Variants in ZBTB20 observed in about 807,000 individuals in gnomAD.
The protein encoded by ZBTB20 is zinc finger and BTB domain containing 20.
A neutral mutation model predicts 56.9 loss-of-function variants in ZBTB20; 9 were observed. That is an observed-to-expected ratio of 0.16 (90% confidence interval 0.10 to 0.28). The LOEUF (loss-of-function observed/expected upper bound fraction) is 0.28. ZBTB20 is among the 10% of genes least tolerant of loss of function. The pLI is 1.00. For synonymous variants in ZBTB20, 417 were observed against 420.7 expected (o/e 0.99, Z 0.11); for missense variants, 655 against 1,003.0 (o/e 0.65, Z 4.69).
intron 7 of ZBTB20, among the ~76,000 whole-genome samples, chr3:114,490,233 A>AT (rs1559862688): frequency 6.6e-6 from 1 of 151,692 alleles, no homozygotes; most frequent in African/African-American, 2.4e-5. Context: ...TGATTGATTG[A>AT]TTTTTTGAGA....
chr3:115,081,092 T>C (rs1372851939), intron 1 of ZBTB20, among the ~76,000 whole-genome samples: 9 of 152,154 alleles, frequency 5.9e-5, no homozygotes, highest in Admixed American at 3.3e-4. Flanking sequence ...GAAAACTGTT[T>C]CTAATTATGC....
In ZBTB20 at chr3:114,538,141, A is replaced by T. The variant is rs558520873; in HGVS notation, c.-294-37750T>A. ...GAACTTAAAAGTATAATAATAATAA[A>T]AAAAAGATCTAATGGCTAAACCTAT... On this transcript the variant is annotated intron_variant, in intron 6 of 11. Coordinates refer to ENST00000675478, the MANE Select transcript of ZBTB20 (RefSeq NM_001348800.3). Among the ~76,000 whole-genome samples, 47 of 151,834 alleles carry T rather than the reference A, an allele frequency of 3.1e-4. No homozygotes were observed. The East Asian group carries it at 4.6e-3, about 15-fold the overall frequency.
intron 7 of ZBTB20, among the ~76,000 whole-genome samples, chr3:114,394,338 CTT>C (rs975056096): frequency 3.4e-4 from 52 of 152,266 alleles, no homozygotes; most frequent in African/African-American, 1.2e-3. Context: ...AATCTGTACT[CTT>C]TTCACTATAT....
chr3:114,449,735 G>A (rs2091486168), intron 7 of ZBTB20, among the ~76,000 whole-genome samples: 1 of 149,436 alleles, frequency 6.7e-6, no homozygotes, highest in South Asian at 2.1e-4. Flanking sequence ...TTCCTTTTCT[G>A]GTATTATTAC....
chr3:114,346,944 C>T (rs2080235845), intron 11 of ZBTB20, among the ~76,000 whole-genome samples: 1 of 152,034 alleles, frequency 6.6e-6, no homozygotes, highest in African/African-American at 2.4e-5. Context: ...CCTTTACCTC[C>T]CAAAGTCCTG....
intron 6 of ZBTB20, among the ~76,000 whole-genome samples, chr3:114,527,989 A>G (rs1274574051): frequency 6.7e-6 from 1 of 149,066 alleles, no homozygotes; most frequent in East Asian, 2.0e-4. Context: ...CTTTCCCTTC[A>G]TAATTTTTTT....
chr3:114,367,513 C>T (rs1935756942), intron 10 of ZBTB20, among the ~76,000 whole-genome samples: 1 of 152,150 alleles, frequency 6.6e-6, no homozygotes, highest in Non-Finnish European at 1.5e-5. Flanking sequence ...TCCACACTGG[C>T]CTCCCAAAGT....
At chr3:115,034,364 T>G (rs2080828345) in intron 2 of ZBTB20, among the ~76,000 whole-genome samples, 1 of 151,000 alleles carries the variant, frequency 6.6e-6, no homozygotes, top group South Asian at 2.1e-4. Context: ...AAAACCCTGT[T>G]AGAACTAATA....
At chr3:114,506,071 G>A (rs1271823102) in intron 6 of ZBTB20, among the ~76,000 whole-genome samples, 1 of 152,084 alleles carries the variant, frequency 6.6e-6, no homozygotes, top group Non-Finnish European at 1.5e-5. Flanking sequence ...GATTCTTGAT[G>A]TATTTTCATT....
At chr3:115,002,535 G>C (rs112719386) in intron 2 of ZBTB20, among the ~76,000 whole-genome samples, 4,802 of 151,598 alleles carry the variant, frequency 0.032, 105 homozygotes, top group Non-Finnish European at 0.053. Context: ...GTGAGCAAAA[G>C]ATCTGAACAG....
In ZBTB20 at chr3:114,330,786, T is replaced by C. The variant is rs1036514019; in HGVS notation, c.*8219A>G. 3 of 121,246 alleles carry C rather than the reference T, an allele frequency of 2.5e-5. No individual in the cohort carries two copies. The highest frequency in any genetic ancestry group is 8.6e-5 in the Admixed American group (1 of 11,624). 7.5% of individuals were successfully genotyped at this position (121,246 alleles called of 1,614,324 possible). ...TCATAAAAAATAACAAACCATCTAG[T>C]AAAAGAAGGGCATGGGAGTGAGAAA... On this transcript the variant is annotated 3_prime_UTR_variant, in exon 12 of 12. Coordinates refer to ENST00000675478, the MANE Select transcript of ZBTB20 (RefSeq NM_001348800.3).
intron 7 of ZBTB20, among the ~76,000 whole-genome samples, chr3:114,422,131 G>C (rs2089233984): frequency 6.6e-6 from 1 of 152,144 alleles, no homozygotes; most frequent in Non-Finnish European, 1.5e-5. Context: ...ACTACGGCAT[G>C]ATAGAGGGTA....
At chr3:114,512,941 T>C (rs376533362) in intron 6 of ZBTB20, among the ~76,000 whole-genome samples, 10 of 152,250 alleles carry the variant, frequency 6.6e-5, no homozygotes, top group African/African-American at 2.4e-4. Flanking sequence ...GTAATCTCAA[T>C]CTCAGAGAAC....
chr3:114,690,531 C>G lies in ZBTB20; in HGVS notation c.-295+2997G>C, dbSNP rs370254800. The stretch of plus-strand genomic sequence containing the variant: ...CAGAGCATTCCTCATCTGTGGAACT[C>G]TGTGTGTAAAGGATCTAGGCTAGCC... On this transcript the variant is annotated intron_variant, in intron 6 of 11. Transcript: ENST00000675478. Among the ~76,000 whole-genome samples the G allele has an allele frequency of 4.6e-5, 7 of 152,234 alleles. No homozygotes were observed. In the East Asian group the frequency reaches 5.8e-4, roughly 13 times the overall value.
At chr3:114,386,324 AT>A (rs1386160773) in intron 8 of ZBTB20, among the ~76,000 whole-genome samples, 3 of 151,898 alleles carry the variant, frequency 2.0e-5, no homozygotes, top group Admixed American at 1.3e-4. Context: ...TTTCAGTATA[AT>A]TTCCTCTTAA....
chr3:114,924,346 A>G (rs529812257), intron 3 of ZBTB20, among the ~76,000 whole-genome samples: 13 of 152,338 alleles, frequency 8.5e-5, no homozygotes, highest in African/African-American at 2.9e-4. Context: ...AATAAAGAAA[A>G]TGTGGTACAT....
At chr3:114,872,262 ACAACC>A (rs1201400332) in intron 4 of ZBTB20, among the ~76,000 whole-genome samples, 27 of 152,170 alleles carry the variant, frequency 1.8e-4, no homozygotes, top group Non-Finnish European at 1.8e-4. Context: ...GATTAAAACC[ACAACC>A]CTTGTACTCA....
At chr3:114,828,238 CAAGT>C (rs1452132829) in intron 4 of ZBTB20, among the ~76,000 whole-genome samples, 1 of 151,430 alleles carries the variant, frequency 6.6e-6, no homozygotes, top group Non-Finnish European at 1.5e-5. Context: ...TATTGAGCAC[CAAGT>C]AAGTACTGAA....
At chr3:114,627,707 T>C (rs890755672) in intron 6 of ZBTB20, among the ~76,000 whole-genome samples, 10 of 152,220 alleles carry the variant, frequency 6.6e-5, no homozygotes, top group African/African-American at 9.6e-5. Context: ...TTGTATTTTG[T>C]AGGAATGCAC....
Sources: gnomAD v4.1 joint callset for allele counts (sites outside exome capture counted in the v4.1 genomes callset) on GRCh38, gnomAD v4.1.1 for gene constraint, MANE v1.5 for transcripts, NCBI Gene and HGNC (gene_info 2026-07-23, HGNC 2026-07-21) for gene names.